The following PDPR variants were observed in gnomAD, a reference collection of about 807,000 sequenced individuals.
PDPR encodes the protein pyruvate dehydrogenase phosphatase regulatory subunit, also known as pyruvate dehydrogenase phosphatase regulatory subunit, mitochondrial.
PDPR carries 50 observed loss-of-function variants against 102.2 expected under a neutral mutation model. The ratio of observed to expected loss-of-function variants is 0.49; its 90% CI spans 0.39 to 0.62. PDPR has a LOEUF of 0.62. Ranked by LOEUF, PDPR falls within the 20% of genes least tolerant of loss-of-function variation. The pLI is 0.00. For missense variants in PDPR, 625 were observed against 1,098.2 expected, an observed-to-expected ratio of 0.57 and a Z score of 6.09; for synonymous variants, 259 against 406.0, an observed-to-expected ratio of 0.64 and a Z score of 4.35.
downstream of PDPR, chr16:70,162,644 T>C (rs1490417885): frequency 6.5e-6 from 1 of 152,874 alleles, no homozygotes; most frequent in African/African-American, 2.4e-5. Context: ...TGTGTACCAG[T>C]GTGAGGGAGG....
In PDPR at chr16:70,136,348, G is replaced by A. The variant is rs1331592377; in HGVS notation, c.1152G>A (p.Met384Ile). The A allele has an allele frequency of 6.2e-7, 1 of 1,612,824 alleles. No individual in the cohort carries two copies. The highest frequency in any genetic ancestry group is 1.3e-5 in the African/African-American group (1 of 74,920). ...AGGGCTACTTTGTCCTGGCAGGAAT[G>A]AACTCTGCTGGCCTTTCATTTGGTG... ...AVQGYFVLAGMNSAGLSFGGG... is the reference protein window; with the variant it reads ...AVQGYFVLAGINSAGLSFGGG... The change falls in exon 10 of 19, where the codon ATG (methionine) becomes ATA (isoleucine). Residue 384 changes from methionine to isoleucine, a missense_variant. Around this residue, in one of 11 missense-constraint regions of PDPR, gnomAD observed 10 missense variants for 80.4 expected, o/e 0.12. Transcript: ENST00000288050.
At chr16:70,154,908 G>A (rs1485180654) in intron 18 of PDPR, among the ~76,000 whole-genome samples, 5 of 152,348 alleles carry the variant, frequency 3.3e-5, no homozygotes, top group African/African-American at 1.2e-4. Flanking sequence ...CAGAGTGCTG[G>A]GATTACAGGC....
chr16:70,148,009 A>T (rs563032038), intron 16 of PDPR, among the ~76,000 whole-genome samples: 849 of 150,618 alleles, frequency 5.6e-3, no homozygotes, highest in South Asian at 0.015. Context: ...GAGAATCAGA[A>T]GCCCATCTTT....
intron 10 of PDPR, among the ~76,000 whole-genome samples, 192 bp from the exon 11 acceptor site, chr16:70,138,707 A>G (rs1965417586): frequency 6.6e-6 from 1 of 152,266 alleles, no homozygotes; most frequent in African/African-American, 2.4e-5. Context: ...TAAAATCCTC[A>G]TAGTAGTCTT....
At chr16:70,125,589 ATG>A (rs1342707405) in intron 3 of PDPR, among the ~76,000 whole-genome samples, 2 of 149,066 alleles carry the variant, frequency 1.3e-5, no homozygotes, top group African/African-American at 4.9e-5. Flanking sequence ...ATATATATAT[ATG>A]TAAAAGAGTA....
At chr16:70,119,078 T>A (rs1358315774) in intron 2 of PDPR, among the ~76,000 whole-genome samples, 11 of 152,142 alleles carry the variant, frequency 7.2e-5, no homozygotes, top group Non-Finnish European at 1.3e-4. Context: ...CCTGTACACA[T>A]GACTGCATGG....
At chr16:70,135,060 G>A (rs1195661668) in intron 9 of PDPR, among the ~76,000 whole-genome samples, 2 of 152,186 alleles carry the variant, frequency 1.3e-5, no homozygotes, top group African/African-American at 4.8e-5. Context: ...TGGAGACTAT[G>A]TGTCTACTAA....
intron 11 of PDPR, among the ~76,000 whole-genome samples, chr16:70,139,995 A>G (rs1393186130): frequency 1.3e-5 from 2 of 152,242 alleles, no homozygotes; most frequent in Non-Finnish European, 2.9e-5. Context: ...TAACAGCAAT[A>G]TGTTTAACTG....
At chr16:70,121,643 G>A (rs1963286292) in intron 3 of PDPR, among the ~76,000 whole-genome samples, 1 of 150,976 alleles carries the variant, frequency 6.6e-6, no homozygotes, top group African/African-American at 2.4e-5. Context: ...AGTGAGCAGA[G>A]ATCATGCCAC....
intron 17 of PDPR, among the ~76,000 whole-genome samples, chr16:70,149,077 G>A (rs1415781545): frequency 1.3e-5 from 2 of 149,200 alleles, no homozygotes; most frequent in African/African-American, 2.5e-5. Flanking sequence ...GTATTTTTTT[G>A]TAGAGACAGG....
intron 10 of PDPR, among the ~76,000 whole-genome samples, chr16:70,138,325 TCTC>T (rs1476542999): frequency 6.6e-6 from 1 of 151,760 alleles, no homozygotes; most frequent in Non-Finnish European, 1.5e-5. Flanking sequence ...TTCAAGCAAT[TCTC>T]CTTCCTCAGC....
chr16:70,148,847 TTA>T (rs1966466886), intron 17 of PDPR, among the ~76,000 whole-genome samples: 1 of 152,278 alleles, frequency 6.6e-6, no homozygotes, highest in Non-Finnish European at 1.5e-5. Flanking sequence ...AGTATTACTT[TTA>T]TATGTCATTT....
chr16:70,117,974 T>C (rs1962819108), intron 2 of PDPR, among the ~76,000 whole-genome samples: 1 of 151,928 alleles, frequency 6.6e-6, no homozygotes. Context: ...GTGCTTGTAG[T>C]TCCAGCTGTT....
At chr16:70,141,330 G>A (rs998118712) in intron 11 of PDPR, among the ~76,000 whole-genome samples, 4 of 152,232 alleles carry the variant, frequency 2.6e-5, no homozygotes, top group East Asian at 1.9e-4. Context: ...GTTTACAGAC[G>A]TGAGCCACCA....
At chr16:70,154,259 C>T (rs1354782167) in intron 18 of PDPR, among the ~76,000 whole-genome samples, 1 of 152,270 alleles carries the variant, frequency 6.6e-6, no homozygotes, top group East Asian at 1.9e-4. Context: ...ACCTAACAGG[C>T]AGAGGTTGCA....
chr16:70,126,911 C>G (rs1467445503), intron 3 of PDPR, among the ~76,000 whole-genome samples: 2 of 152,238 alleles, frequency 1.3e-5, no homozygotes, highest in African/African-American at 4.8e-5. Flanking sequence ...GAGATGTGAT[C>G]ACAGCTCACT....
intron 6 of PDPR, among the ~76,000 whole-genome samples, chr16:70,129,691 G>T (rs1396910999): frequency 3.9e-5 from 6 of 152,350 alleles, no homozygotes; most frequent in African/African-American, 1.4e-4. Context: ...TCCGCCACAG[G>T]ACTTGAGAAG....
chr16:70,155,010 G>C (rs1186368099), intron 18 of PDPR, among the ~76,000 whole-genome samples: 4 of 152,274 alleles, frequency 2.6e-5, no homozygotes, highest in Admixed American at 6.5e-5. Flanking sequence ...CGGCCAACAT[G>C]GTGAAACCCC....
In PDPR at chr16:70,157,062, C is replaced by A. The variant is rs1360715025; in HGVS notation, c.*183C>A. On this transcript the variant is annotated 3_prime_UTR_variant, in exon 19 of 19. Transcript: ENST00000288050. ...TTTTTGCTCTGCAGCCTTCCTTGCC[C>A]TTCCACCTCCTCCTCCTAATATTCA... 2.4e-6 allele frequency: 2 copies of A among 826,286 alleles called. No individual in the cohort carries two copies. Among genetic ancestry groups the A allele is most frequent in the African/African-American group, 3.4e-5 (2 of 58,968 alleles). 51.2% of individuals were successfully genotyped at this position (826,286 alleles called of 1,614,324 possible).
Sources: allele counts gnomAD v4.1 joint callset (sites outside exome capture counted in the v4.1 genomes callset), GRCh38; gene constraint gnomAD v4.1.1; regional missense constraint gnomAD v4.1.1; transcripts MANE v1.5; gene names NCBI Gene and HGNC (gene_info 2026-07-23, HGNC 2026-07-21).